Variants in INTS6 observed in about 807,000 individuals in gnomAD.
The protein encoded by INTS6 is integrator complex subunit 6.
In INTS6, 16 loss-of-function variants were observed where a neutral mutation model predicts 104.9. The observed-to-expected ratio is 0.15, with a 90% CI of 0.10 to 0.23. The LOEUF (loss-of-function observed/expected upper bound fraction) is 0.23. Among genes scored for constraint, INTS6 ranks in the 10% least tolerant of loss-of-function variants. INTS6 has a pLI of 1.00. For synonymous variants in INTS6, 324 were observed against 358.7 expected (o/e 0.90, Z 1.09); for missense variants, 584 against 1,062.8 (o/e 0.55, Z 6.26).
intron 7 of INTS6, among the ~76,000 whole-genome samples, chr13:51,385,473 G>C (rs1956127836): frequency 6.6e-6 from 1 of 152,200 alleles, no homozygotes; most frequent in South Asian, 2.1e-4. Flanking sequence ...AGATCCAAGA[G>C]GGAAAGTGGA....
chr13:51,433,909 A>G (rs1449201844), intron 3 of INTS6, among the ~76,000 whole-genome samples: 1 of 152,250 alleles, frequency 6.6e-6, no homozygotes, highest in Non-Finnish European at 1.5e-5. Context: ...GACCCTAAAA[A>G]AACTTAGTGA....
At position 51,452,191 on chromosome 13, in the gene INTS6, C is replaced by T; in HGVS notation, c.112-136G>A. On this transcript the variant is annotated intron_variant, in intron 1 of 17. Transcript: ENST00000311234. The surrounding 1 kb of genome is among the most constrained non-coding windows in gnomAD (Gnocchi z 4.2). ...CAGCGGCCACCCCTCCACGCCGTCCCCCACACACAGATCGCTCCCCACACA... is the reference window on the plus strand; with the variant it reads ...CAGCGGCCACCCCTCCACGCCGTCCTCCACACACAGATCGCTCCCCACACA... 1 of 826,214 alleles carries T rather than the reference C, an allele frequency of 1.2e-6. No homozygotes were observed. Among genetic ancestry groups the T allele is most frequent in the Non-Finnish European group, 1.8e-6 (1 of 548,322 alleles). 51.2% of individuals were successfully genotyped at this position (826,214 alleles called of 1,614,324 possible). A position where few individuals can be genotyped will look rare whatever the true frequency, so the allele number is the denominator to read the frequency against.
downstream of INTS6, among the ~76,000 whole-genome samples, chr13:51,360,692 C>A (rs1342185721): frequency 1.3e-5 from 2 of 152,058 alleles, no homozygotes; most frequent in Non-Finnish European, 2.9e-5. Context: ...ATAACTGATA[C>A]ACCTAAGTAT....
chr13:51,386,731 C>A (rs1249922638), intron 7 of INTS6, among the ~76,000 whole-genome samples: 1 of 151,864 alleles, frequency 6.6e-6, no homozygotes, highest in African/African-American at 2.4e-5. Context: ...TGCTCTCCCA[C>A]AAAATATCCC....
At chr13:51,393,261 A>G (rs1956276671) in intron 5 of INTS6, among the ~76,000 whole-genome samples, 1 of 152,036 alleles carries the variant, frequency 6.6e-6, no homozygotes, top group African/African-American at 2.4e-5. Flanking sequence ...TATTTTTAGT[A>G]GAGACGGGGT....
chr13:51,343,266 G>A, the INTS6 span, among the ~76,000 whole-genome samples: 1 of 152,208 alleles, frequency 6.6e-6, no homozygotes, highest in Admixed American at 6.5e-5. Context: ...GCAGGGCTGT[G>A]CCTAAAAGGG....
chr13:51,374,514 T>C lies in INTS6; in HGVS notation c.1873-75A>G, dbSNP rs564157223. The C allele has an allele frequency of 3.0e-4, 460 of 1,519,582 alleles. 5 individuals are homozygous for C. The South Asian group carries it at 5.0e-3, about 17-fold the overall frequency. The allele number at this position is 1,519,582 out of a possible 1,614,324, so 94.1% of individuals were successfully genotyped here. On this transcript the variant is annotated intron_variant, in intron 14 of 17. Coordinates refer to ENST00000311234, the MANE Select transcript of INTS6 (RefSeq NM_012141.3). ...ATGGCACAACCAGTGTCAATTCCAATGAAGGTAACTATATTCTGTTCATAT... is the reference window on the plus strand; with the variant it reads ...ATGGCACAACCAGTGTCAATTCCAACGAAGGTAACTATATTCTGTTCATAT...
downstream of INTS6, among the ~76,000 whole-genome samples, chr13:51,359,260 A>G (rs1955525045): frequency 1.3e-5 from 2 of 152,108 alleles, no homozygotes; most frequent in Admixed American, 6.6e-5. Context: ...TAGCTACTCA[A>G]TAAAAAATAA....
At chr13:51,335,893 A>C in the INTS6 span, 1 of 152,240 alleles carries the variant, frequency 6.6e-6, no homozygotes, top group African/African-American at 2.4e-5. Context: ...AAATGCATGC[A>C]CATAAAACAA....
chr13:51,343,743 A>T, the INTS6 span, among the ~76,000 whole-genome samples: 17 of 152,352 alleles, frequency 1.1e-4, no homozygotes, highest in Non-Finnish European at 2.2e-4. Context: ...CAGGCTCATG[A>T]CACGCAGTTG....
At chr13:51,334,685 A>T in the INTS6 span, among the ~76,000 whole-genome samples, 1 of 152,136 alleles carries the variant, frequency 6.6e-6, no homozygotes, top group African/African-American at 2.4e-5. Flanking sequence ...TCTATTATAT[A>T]ATAAGACATC....
intron 4 of INTS6, among the ~76,000 whole-genome samples, chr13:51,397,739 G>A (rs759558884): frequency 4.6e-5 from 7 of 152,108 alleles, no homozygotes; most frequent in Admixed American, 3.3e-4. Flanking sequence ...AACTGTTAAT[G>A]CAGTTGCTTT....
chr13:51,373,958 T>A (rs1955864223), intron 15 of INTS6, among the ~76,000 whole-genome samples: 1 of 152,248 alleles, frequency 6.6e-6, no homozygotes, highest in Non-Finnish European at 1.5e-5. Context: ...TTCGAAAGTA[T>A]TATTTTGAAA....
chr13:51,394,961 C>T (rs1011319170), intron 5 of INTS6, among the ~76,000 whole-genome samples: 1 of 152,154 alleles, frequency 6.6e-6, no homozygotes, highest in African/African-American at 2.4e-5. Flanking sequence ...AGAGATGATT[C>T]TCAAGACTGT....
At chr13:51,426,061 C>T (rs1291239728) in intron 4 of INTS6, among the ~76,000 whole-genome samples, 1 of 151,940 alleles carries the variant, frequency 6.6e-6, no homozygotes, top group Non-Finnish European at 1.5e-5. Flanking sequence ...ACTAGAAATA[C>T]ATTCATGACA....
chr13:51,446,624 A>G (rs1000694402), intron 3 of INTS6: 5 of 152,250 alleles, frequency 3.3e-5, no homozygotes, highest in Admixed American at 6.5e-5. Flanking sequence ...TTGCAGCATT[A>G]TTCACAACAG....
At chr13:51,438,028 A>G (rs1367287425) in intron 3 of INTS6, 2 of 152,190 alleles carry the variant, frequency 1.3e-5, no homozygotes, top group African/African-American at 4.8e-5. Context: ...AATAATTAAA[A>G]AAAAGACATA....
At chr13:51,346,364 A>G in the INTS6 span, among the ~76,000 whole-genome samples, 3 of 152,258 alleles carry the variant, frequency 2.0e-5, no homozygotes, top group South Asian at 6.2e-4. Context: ...CCATCACAGC[A>G]CATACTCCTT....
chr13:51,414,833 T>TACACACAC (rs151197136), intron 4 of INTS6, among the ~76,000 whole-genome samples: 3,108 of 142,980 alleles, frequency 0.022, 36 homozygotes, highest in Non-Finnish European at 0.026. Context: ...AGTTCTTCTA[T>TACACACAC]ACACACACAC....
Sources: gnomAD v4.1 joint callset for allele counts (sites outside exome capture counted in the v4.1 genomes callset) on GRCh38, gnomAD v4.1.1 for gene constraint, Gnocchi (gnomAD v3.1) non-coding constraint, MANE v1.5 for transcripts, NCBI Gene and HGNC (gene_info 2026-07-23, HGNC 2026-07-21) for gene names.